The following BCAS1 variants were observed in gnomAD, a reference collection of about 807,000 sequenced individuals.
BCAS1 encodes breast carcinoma-amplified sequence 1.
In BCAS1, 46 loss-of-function variants were observed where a neutral mutation model predicts 65.4. The observed-to-expected ratio is 0.70, with a 90% CI of 0.55 to 0.90. BCAS1 has a LOEUF of 0.90. Ranked by LOEUF, BCAS1 falls within the 40% of genes least tolerant of loss-of-function variation. The probability of loss-of-function intolerance (pLI) is 0.00; values close to 1 mark genes in which losing one functional copy is unlikely to be tolerated. For synonymous variants in BCAS1, 298 were observed against 293.5 expected (o/e 1.02, Z -0.16); for missense variants, 793 against 771.2 (o/e 1.03, Z -0.33).
Position 53,984,035 on chromosome 20 carries a change from T to C in BCAS1, c.1275+1252A>G, listed in dbSNP as rs147767154. Among the ~76,000 whole-genome samples the C allele has an allele frequency of 5.6e-4, 85 of 152,322 alleles. 1 individual carries two copies. Among genetic ancestry groups the C allele is most frequent in the Admixed American group, 3.0e-3 (46 of 15,300 alleles). On this transcript the variant is annotated intron_variant, in intron 8 of 12. Transcript: ENST00000688948. ...TATGTAATACTGTCTTTTTATTAGA[T>C]TCCTTTTTAAACAAAATATGCTTAT...
intron 4 of BCAS1, among the ~76,000 whole-genome samples, chr20:54,007,116 C>T (rs778318803): frequency 1.9e-4 from 29 of 152,296 alleles, no homozygotes; most frequent in East Asian, 1.9e-4. Context: ...TGAGCTACTC[C>T]GGTCTGACAG....
intron 9 of BCAS1, among the ~76,000 whole-genome samples, chr20:53,973,049 G>A (rs554199584): frequency 6.6e-6 from 1 of 152,288 alleles, no homozygotes; most frequent in South Asian, 2.1e-4. Context: ...CCAAGATGGT[G>A]AAACCCTGTG....
chr20:54,057,425 TG>T (rs1339378492), intron 3 of BCAS1, among the ~76,000 whole-genome samples: 2 of 152,232 alleles, frequency 1.3e-5, no homozygotes, highest in African/African-American at 4.8e-5. Context: ...GAAAAGCAGA[TG>T]CCTTGTTCCA....
intron 12 of BCAS1, among the ~76,000 whole-genome samples, chr20:53,952,043 TAGTGGATACCCACTTTC>T (rs1954543287): frequency 6.6e-6 from 1 of 152,146 alleles, no homozygotes; most frequent in African/African-American, 2.4e-5. Context: ...ATCAAATGAT[TAGTGGATACCCACTTTC>T]AGTGTCTCCA....
chr20:53,995,087 A>G, intron 5 of BCAS1, 31 bp from the exon 6 acceptor site: 2 of 1,582,616 alleles, frequency 1.3e-6, no homozygotes. Flanking sequence ...AAATATTAGA[A>G]ATCATTGCTC....
chr20:53,973,878 T>C lies in BCAS1; in HGVS notation c.1317+1511A>G, dbSNP rs149480326. 2.5e-3 allele frequency among the ~76,000 whole-genome samples: 386 copies of C among 152,302 alleles called. 2 individuals carry two copies. The highest frequency in any genetic ancestry group is 9.1e-3 in the African/African-American group (378 of 41,570). On this transcript the variant is annotated intron_variant, in intron 9 of 12. Transcript: ENST00000688948. ...ATTTTGAGAGGTGAAGCCAGCTGGATGTCCTGGGTCGAGTGGAGACTTGGA... is the reference window on the plus strand; with the variant it reads ...ATTTTGAGAGGTGAAGCCAGCTGGACGTCCTGGGTCGAGTGGAGACTTGGA...
chr20:54,018,745 T>G (rs2091495626), intron 4 of BCAS1, among the ~76,000 whole-genome samples: 1 of 152,190 alleles, frequency 6.6e-6, no homozygotes, highest in South Asian at 2.1e-4. Flanking sequence ...CTATGAAGGA[T>G]GAAGGAAGTA....
intron 8 of BCAS1, among the ~76,000 whole-genome samples, chr20:53,977,320 T>C (rs2090360752): frequency 1.3e-5 from 2 of 152,162 alleles, no homozygotes; most frequent in Admixed American, 1.3e-4. Flanking sequence ...CACCCCTTTT[T>C]CTCTGAGATT....
intron 9 of BCAS1, among the ~76,000 whole-genome samples, chr20:53,967,883 C>G (rs561792950): frequency 6.6e-6 from 1 of 152,342 alleles, no homozygotes; most frequent in South Asian, 2.1e-4. Flanking sequence ...TTGTTCCCTG[C>G]CACAGGACAG....
At chr20:53,955,288 C>G (rs552860534) in intron 11 of BCAS1, among the ~76,000 whole-genome samples, 9 of 152,210 alleles carry the variant, frequency 5.9e-5, no homozygotes, top group Non-Finnish European at 1.0e-4. Context: ...ATCCAGTGTA[C>G]CTTGAGAAGC....
intron 3 of BCAS1, among the ~76,000 whole-genome samples, chr20:54,029,574 T>C (rs921638628): frequency 2.0e-5 from 3 of 152,230 alleles, no homozygotes; most frequent in African/African-American, 7.2e-5. Flanking sequence ...AAATGTCTTT[T>C]TGAATCCAGA....
intron 8 of BCAS1, among the ~76,000 whole-genome samples, chr20:53,978,797 A>T (rs935302183): frequency 2.6e-5 from 4 of 152,198 alleles, no homozygotes; most frequent in African/African-American, 9.7e-5. Context: ...GACACATGTA[A>T]AAGAAAATCT....
At chr20:54,067,326 A>G (rs1279591454) in intron 1 of BCAS1, among the ~76,000 whole-genome samples, 2 of 152,016 alleles carry the variant, frequency 1.3e-5, no homozygotes. Context: ...CAGTGAGCCG[A>G]GATCACACCG....
chr20:53,994,667 G>A (rs1268989343), intron 6 of BCAS1, among the ~76,000 whole-genome samples: 1 of 151,794 alleles, frequency 6.6e-6, no homozygotes, highest in Admixed American at 6.6e-5. Flanking sequence ...TATTCCCTGG[G>A]TCCCTCTACG....
chr20:53,944,786 G>T lies in BCAS1; in HGVS notation c.*136C>A. 1 of 840,182 alleles carries T rather than the reference G, an allele frequency of 1.2e-6. No homozygotes were observed. Among genetic ancestry groups the T allele is most frequent in the Non-Finnish European group, 2.0e-6 (1 of 488,234 alleles). The allele number at this position is 840,182 out of a possible 1,614,324, so 52.0% of individuals were successfully genotyped here. A position where few individuals can be genotyped will look rare whatever the true frequency, so the allele number is the denominator to read the frequency against. On this transcript the variant is annotated 3_prime_UTR_variant, in exon 13 of 13. Coordinates refer to ENST00000688948, the MANE Select transcript of BCAS1 (RefSeq NM_001366298.2). ...AATACACCTCAATATACAACAGCTC[G>T]GGCTTAATTTCTAGGCAGAATTTCA...
chr20:53,970,607 C>T (rs1033356109), intron 9 of BCAS1, among the ~76,000 whole-genome samples: 2 of 152,136 alleles, frequency 1.3e-5, no homozygotes, highest in Admixed American at 1.3e-4. Flanking sequence ...TTAAATCCCC[C>T]CTGCTTGATT....
intron 1 of BCAS1, among the ~76,000 whole-genome samples, chr20:54,068,093 G>A (rs1007861757): frequency 1.3e-5 from 2 of 152,310 alleles, no homozygotes; most frequent in East Asian, 3.9e-4. Context: ...TCCTGTACAA[G>A]GGGACACAGG....
chr20:53,950,541 C>T (rs913979225), intron 12 of BCAS1, among the ~76,000 whole-genome samples: 9 of 152,094 alleles, frequency 5.9e-5, no homozygotes, highest in East Asian at 1.9e-4. Flanking sequence ...ATCTCCCAGA[C>T]CTACAATTTT....
intron 3 of BCAS1, among the ~76,000 whole-genome samples, chr20:54,057,306 G>T (rs559706084): frequency 6.6e-6 from 1 of 152,162 alleles, no homozygotes. Context: ...ATGAAATATC[G>T]CTGGAGACTA....
Sources: gnomAD v4.1 joint callset for allele counts (sites outside exome capture counted in the v4.1 genomes callset) on GRCh38, gnomAD v4.1.1 for gene constraint, MANE v1.5 for transcripts, NCBI Gene and HGNC (gene_info 2026-07-23, HGNC 2026-07-21) for gene names.